The following SGTB variants were observed in gnomAD, a reference collection of about 807,000 sequenced individuals.
SGTB encodes small glutamine rich tetratricopeptide repeat co-chaperone beta, also known as small glutamine-rich tetratricopeptide repeat-containing protein beta.
Under a neutral mutation model 43.9 loss-of-function variants are expected in SGTB, and 19 were observed. The observed-to-expected ratio is 0.43, with a 90% CI of 0.30 to 0.63. SGTB has a LOEUF of 0.63. Among genes scored for constraint, SGTB ranks in the 30% least tolerant of loss-of-function variants. The pLI, the probability that SGTB is intolerant of heterozygous loss-of-function variation, is 0.12. For missense variants in SGTB, 304 were observed against 358.9 expected, an observed-to-expected ratio of 0.85 and a Z score of 1.24; for synonymous variants, 116 against 117.3, an observed-to-expected ratio of 0.99 and a Z score of 0.07.
intron 2 of SGTB, among the ~76,000 whole-genome samples, chr5:65,716,736 A>G (rs1174006254): frequency 6.6e-6 from 1 of 152,190 alleles, no homozygotes; most frequent in Non-Finnish European, 1.5e-5. Context: ...CCTATTAGAC[A>G]TGCAAGTGGA....
intron 2 of SGTB, among the ~76,000 whole-genome samples, chr5:65,718,564 G>A (rs1479676172): frequency 6.6e-6 from 1 of 152,148 alleles, no homozygotes; most frequent in Non-Finnish European, 1.5e-5. Flanking sequence ...TAAGAGGAGT[G>A]GGTGACATAA....
intron 5 of SGTB, among the ~76,000 whole-genome samples, chr5:65,691,598 G>A (rs1194617377): frequency 1.3e-5 from 2 of 150,874 alleles, no homozygotes; most frequent in Non-Finnish European, 3.0e-5. Flanking sequence ...AAAGTGCTGG[G>A]ATTACAGGCG....
At chr5:65,681,872 G>A (rs1023063898) in intron 6 of SGTB, among the ~76,000 whole-genome samples, 25 of 152,224 alleles carry the variant, frequency 1.6e-4, no homozygotes, top group African/African-American at 6.0e-4. Context: ...CTACTAGGAA[G>A]GCTGAGGCAT....
chr5:65,720,216 G>A (rs1203504556), intron 2 of SGTB, among the ~76,000 whole-genome samples: 1 of 151,654 alleles, frequency 6.6e-6, no homozygotes, highest in East Asian at 1.9e-4. Context: ...TGAGTAGCTG[G>A]GACTACAGGC....
chr5:65,683,861 G>T (rs1220022301), intron 6 of SGTB, among the ~76,000 whole-genome samples: 1 of 151,812 alleles, frequency 6.6e-6, no homozygotes, highest in African/African-American at 2.4e-5. Context: ...CAGGAGAATG[G>T]CGTGAACCCA....
chr5:65,675,805 T>A (rs1229030894), intron 8 of SGTB, among the ~76,000 whole-genome samples: 1 of 152,148 alleles, frequency 6.6e-6, no homozygotes. Context: ...GGGAATTCAT[T>A]ACTACCAGAC....
Position 65,678,911 on chromosome 5 carries a change from T to G in SGTB, c.681+1583A>C, listed in dbSNP as rs530053602. Among the ~76,000 whole-genome samples, 207 of 152,180 alleles carry G rather than the reference T, an allele frequency of 1.4e-3. 2 individuals carry two copies. In the South Asian group the frequency reaches 0.014, roughly 10 times the overall value. ...AAGAACTCTATAAACCGAGGCAATA[T>G]CATTCAGGACATAGACACAGGCAAA... is the stretch of plus-strand genomic sequence containing the variant. On this transcript the variant is annotated intron_variant, in intron 8 of 10. Transcript: ENST00000381007.
chr5:65,711,633 T>C (rs1376522594), intron 3 of SGTB, among the ~76,000 whole-genome samples: 1 of 152,254 alleles, frequency 6.6e-6, no homozygotes, highest in Non-Finnish European at 1.5e-5. Flanking sequence ...CACTATCTCC[T>C]TATATCTTGT....
chr5:65,700,804 G>T (rs1757800618), intron 5 of SGTB, among the ~76,000 whole-genome samples: 1 of 151,224 alleles, frequency 6.6e-6, no homozygotes, highest in African/African-American at 2.4e-5. Context: ...GAGGTCAGGA[G>T]TTCAACTCTG....
At chr5:65,720,413 A>G (rs1012554585) in intron 2 of SGTB, among the ~76,000 whole-genome samples, 9 of 152,132 alleles carry the variant, frequency 5.9e-5, no homozygotes, top group African/African-American at 1.9e-4. Context: ...TTAAATGGGG[A>G]TAATACTAAC....
chr5:65,706,003 T>C (rs1757926911), intron 4 of SGTB, among the ~76,000 whole-genome samples: 1 of 151,688 alleles, frequency 6.6e-6, no homozygotes, highest in Non-Finnish European at 1.5e-5. Context: ...GCCACTGCAA[T>C]CCACCCTGGT....
chr5:65,677,499 T>C (rs1264358150), intron 8 of SGTB, among the ~76,000 whole-genome samples: 4 of 152,052 alleles, frequency 2.6e-5, no homozygotes, highest in African/African-American at 7.2e-5. Context: ...GAGGCCAACA[T>C]CATCCTGATA....
chr5:65,720,619 G>A (rs1045714434), intron 2 of SGTB, 89 bp downstream of exon 2: 30 of 1,467,932 alleles, frequency 2.0e-5, no homozygotes, highest in Middle Eastern at 2.2e-4. Context: ...TTCTGATTAT[G>A]TTACAATAGA....
Position 65,713,009 on chromosome 5 carries a change from T to C in SGTB, c.156A>G (p.Leu52=), listed in dbSNP as rs758134527. The C allele has an allele frequency of 6.2e-7, 1 of 1,613,894 alleles. No homozygotes were observed. The part of the protein sequence containing the change: ...VFKISPEDTH[L]AVSQPLTEMF... ...TTTCTGTCAAAGGCTGTGAAACTGC[T>C]AGGTGTGTATCTTCTGGGCTGATCT... Residue 52 remains leucine (L), a synonymous_variant, in exon 3 of 11, where the codon CTA becomes CTG. Transcript: ENST00000381007.
At chr5:65,683,287 T>C (rs568984740) in intron 6 of SGTB, among the ~76,000 whole-genome samples, 1 of 152,200 alleles carries the variant, frequency 6.6e-6, no homozygotes, top group Admixed American at 6.5e-5. Flanking sequence ...AGCATCACCT[T>C]ATTCACCCTC....
At chr5:65,683,009 CTT>C (rs1175324590) in intron 6 of SGTB, among the ~76,000 whole-genome samples, 1 of 151,826 alleles carries the variant, frequency 6.6e-6, no homozygotes, top group Admixed American at 6.6e-5. Context: ...ATTAAAGAAA[CTT>C]TATTTAATAT....
At chr5:65,695,234 GAC>G (rs1020091164) in intron 5 of SGTB, among the ~76,000 whole-genome samples, 3 of 152,176 alleles carry the variant, frequency 2.0e-5, no homozygotes, top group African/African-American at 7.2e-5. Flanking sequence ...GAAACAGAAA[GAC>G]ACCCTGAAAT....
At position 65,684,727 on chromosome 5, in the gene SGTB, A is replaced by G. The variant is rs370280447; in HGVS notation, c.479+641T>C. Among the ~76,000 whole-genome samples the G allele has an allele frequency of 2.0e-4, 31 of 151,666 alleles. No homozygotes were observed. The East Asian group carries it at 4.5e-3, about 22-fold the overall frequency. On this transcript the variant is annotated intron_variant, in intron 6 of 10. Coordinates refer to ENST00000381007, the MANE Select transcript of SGTB (RefSeq NM_019072.3). The stretch of plus-strand genomic sequence containing the variant: ...ATCACCATGCCTGGCTAATTTTTGT[A>G]TTTTTAGTAGAGACGGGGTTTCACC...
chr5:65,718,450 T>C (rs975962435), intron 2 of SGTB, among the ~76,000 whole-genome samples: 3 of 152,182 alleles, frequency 2.0e-5, no homozygotes, highest in Non-Finnish European at 4.4e-5. Flanking sequence ...ATCAGTATAT[T>C]GCAATTGCCA....
Sources: gnomAD v4.1 joint callset for allele counts (sites outside exome capture counted in the v4.1 genomes callset) on GRCh38, gnomAD v4.1.1 for gene constraint, MANE v1.5 for transcripts, NCBI Gene and HGNC (gene_info 2026-07-23, HGNC 2026-07-21) for gene names.